The following USH2A variants were observed in gnomAD, a reference collection of about 807,000 sequenced individuals.
USH2A encodes the protein Usher syndrome 2A (autosomal recessive, mild).
Under a neutral mutation model 538.9 loss-of-function variants are expected in USH2A, and 443 were observed. That is an observed-to-expected ratio of 0.82 (90% CI 0.76 to 0.89). USH2A has a LOEUF of 0.89. USH2A is among the 40% of genes least tolerant of loss of function. The probability of loss-of-function intolerance (pLI) is 0.00; values close to 1 mark genes in which losing one functional copy is unlikely to be tolerated. For missense variants in USH2A, 6,633 were observed against 6,324.8 expected (o/e 1.05, Z -1.65); for synonymous variants, 2,413 against 2,273.5 (o/e 1.06, Z -1.75).
intron 40 of USH2A, among the ~76,000 whole-genome samples, chr1:215,889,990 A>G (rs1665168457): frequency 6.6e-6 from 1 of 152,210 alleles, no homozygotes. Flanking sequence ...AATTTCATTT[A>G]AAATGCAGGT....
chr1:215,692,840 T>C (rs1044859006), intron 61 of USH2A, among the ~76,000 whole-genome samples: 1 of 152,056 alleles, frequency 6.6e-6, no homozygotes, highest in Admixed American at 6.6e-5. Flanking sequence ...TCCTCCCCCA[T>C]GCCCCAGTTG....
At chr1:216,234,267 A>AG (rs2035763157) in intron 13 of USH2A, among the ~76,000 whole-genome samples, 1 of 152,148 alleles carries the variant, frequency 6.6e-6, no homozygotes, top group African/African-American at 2.4e-5. Flanking sequence ...CAAAGTTTCA[A>AG]GGGCAGCAAA....
chr1:215,677,589 C>T (rs1476130482), intron 62 of USH2A, among the ~76,000 whole-genome samples: 5 of 152,148 alleles, frequency 3.3e-5, no homozygotes, highest in African/African-American at 9.7e-5. Context: ...CTCGGGGTGG[C>T]TTCTCTGCCT....
At chr1:215,952,917 A>G (rs542157817) in intron 37 of USH2A, among the ~76,000 whole-genome samples, 1 of 152,312 alleles carries the variant, frequency 6.6e-6, no homozygotes, top group African/African-American at 2.4e-5. Context: ...TTATACACCA[A>G]TAACAGACAA....
chr1:216,407,275 G>A (rs1239083607), intron 3 of USH2A, among the ~76,000 whole-genome samples: 2 of 152,104 alleles, frequency 1.3e-5, no homozygotes, highest in Non-Finnish European at 2.9e-5. Context: ...TGAAATTGCT[G>A]TCTAACATAA....
At chr1:216,376,077 T>A (rs968922405) in intron 3 of USH2A, among the ~76,000 whole-genome samples, 1 of 152,018 alleles carries the variant, frequency 6.6e-6, no homozygotes, top group Admixed American at 6.6e-5. Context: ...GCTATAATGA[T>A]TGGAAAAAAA....
intron 22 of USH2A, among the ~76,000 whole-genome samples, chr1:216,092,656 G>T (rs2032329833): frequency 6.6e-6 from 1 of 152,028 alleles, no homozygotes; most frequent in Non-Finnish European, 1.5e-5. Context: ...AATATGTTTA[G>T]TACCTGTTTT....
chr1:216,232,859 C>T (rs1479129348), intron 13 of USH2A, among the ~76,000 whole-genome samples: 1 of 152,126 alleles, frequency 6.6e-6, no homozygotes, highest in Non-Finnish European at 1.5e-5. Context: ...CATAGAAATG[C>T]AAATAATGCA....
chr1:216,171,793 C>T (rs2034280842), intron 21 of USH2A, among the ~76,000 whole-genome samples: 1 of 152,006 alleles, frequency 6.6e-6, no homozygotes, highest in South Asian at 2.1e-4. Context: ...TGTCTAATTA[C>T]ATTTAGCTAA....
At chr1:216,215,551 CTA>C (rs1175267309) in intron 15 of USH2A, among the ~76,000 whole-genome samples, 3 of 152,060 alleles carry the variant, frequency 2.0e-5, no homozygotes, top group South Asian at 2.1e-4. Flanking sequence ...ATCACTCTAG[CTA>C]TGTTTTGACC....
chr1:215,896,583 G>T (rs911717962), intron 40 of USH2A, among the ~76,000 whole-genome samples: 2 of 152,060 alleles, frequency 1.3e-5, no homozygotes, highest in African/African-American at 4.8e-5. Flanking sequence ...TTAAGCTGAG[G>T]TTTGAAAAAC....
chr1:215,778,749 C>A (rs193031481), intron 55 of USH2A, among the ~76,000 whole-genome samples: 1 of 152,328 alleles, frequency 6.6e-6, no homozygotes, highest in Admixed American at 6.5e-5. Context: ...AAAGTTTATA[C>A]AATCTTGCCC....
At chr1:216,179,795 C>T (rs1219624104) in intron 20 of USH2A, among the ~76,000 whole-genome samples, 1 of 151,978 alleles carries the variant, frequency 6.6e-6, no homozygotes, top group Middle Eastern at 3.4e-3. Context: ...ATGAATTATT[C>T]GTCAGATTTT....
Position 215,628,937 on chromosome 1 carries a change from G to A in USH2A, c.15396C>T (p.Thr5132=). ...CVLRIPSQNQ[T]SLTYSQGSLH... The stretch of plus-strand genomic sequence containing the variant: ...GAGAACCCTGGGAGTAGGTTAGGCT[G>A]GTTTGGTTTTGACTCGGGATGCGCA... Residue 5132 remains threonine, a synonymous_variant, in exon 71 of 72, where the codon ACC becomes ACT. Coordinates refer to ENST00000307340, the MANE Select transcript of USH2A (RefSeq NM_206933.4). 1 of 1,614,146 alleles carries A rather than the reference G, an allele frequency of 6.2e-7. No homozygotes were observed.
At chr1:215,852,663 T>A (rs942482954) in intron 44 of USH2A, among the ~76,000 whole-genome samples, 3 of 152,118 alleles carry the variant, frequency 2.0e-5, no homozygotes, top group Non-Finnish European at 4.4e-5. Flanking sequence ...CTAGAAACAA[T>A]GGGGGTACAG....
intron 3 of USH2A, among the ~76,000 whole-genome samples, chr1:216,384,678 G>GT (rs1325192007): frequency 9.2e-5 from 14 of 151,412 alleles, no homozygotes; most frequent in East Asian, 3.9e-4. Context: ...CCACACACCT[G>GT]TTTTTTTTCA....
intron 56 of USH2A, among the ~76,000 whole-genome samples, chr1:215,761,597 C>T (rs981338834): frequency 1.3e-4 from 20 of 152,154 alleles, no homozygotes; most frequent in Non-Finnish European, 1.9e-4. Context: ...AATATATCTC[C>T]TGCAAAATGT....
chr1:215,993,123 G>A lies in USH2A; in HGVS notation c.6702C>T (p.Ala2234=), dbSNP rs1668043447. The change falls in exon 35 of 72, where the codon GCC becomes GCT. Residue 2234 remains alanine (A), a synonymous_variant. Transcript: ENST00000307340. The part of the protein sequence containing the change: ...GGCTVSEASE[A]LTDEDIPEGV... ...CTTCGGGTATGTCCTCGTCAGTTAGGGCCTCACTGGCCTCACTCACTGTGC... is the reference window on the plus strand; with the variant it reads ...CTTCGGGTATGTCCTCGTCAGTTAGAGCCTCACTGGCCTCACTCACTGTGC... 1.2e-6 allele frequency: 2 copies of A among 1,613,838 alleles called. No individual in the cohort carries two copies. Among genetic ancestry groups the A allele is most frequent in the Non-Finnish European group, 1.7e-6 (2 of 1,179,926 alleles).
intron 67 of USH2A, among the ~76,000 whole-genome samples, chr1:215,642,317 G>C (rs1049808842): frequency 6.6e-6 from 1 of 152,192 alleles, no homozygotes; most frequent in African/African-American, 2.4e-5. Context: ...CAGGTTCAGA[G>C]AGGTCAAATA....
Sources: allele counts gnomAD v4.1 joint callset (sites outside exome capture counted in the v4.1 genomes callset), GRCh38; gene constraint gnomAD v4.1.1; transcripts MANE v1.5; gene names NCBI Gene and HGNC (gene_info 2026-07-23, HGNC 2026-07-21).